The following MYCBP2 variants were observed in gnomAD, a reference collection of about 807,000 sequenced individuals.
MYCBP2 encodes E3 ubiquitin-protein ligase MYCBP2.
A neutral mutation model predicts 525.3 loss-of-function variants in MYCBP2; 120 were observed. The ratio of observed to expected loss-of-function variants is 0.23; its 90% confidence interval spans 0.20 to 0.27. The LOEUF (loss-of-function observed/expected upper bound fraction) is 0.27. Ranked by LOEUF, MYCBP2 falls within the 10% of genes least tolerant of loss-of-function variation. The probability of loss-of-function intolerance (pLI) is 1.00; values close to 1 mark genes in which losing one functional copy is unlikely to be tolerated. For synonymous variants in MYCBP2, 1,894 were observed against 1,955.8 expected, an observed-to-expected ratio of 0.97 and a Z score of 0.83; for missense variants, 4,149 against 5,657.1, an observed-to-expected ratio of 0.73 and a Z score of 8.55.
chr13:77,285,946 G>C (rs2076709800), intron 3 of MYCBP2, among the ~76,000 whole-genome samples: 1 of 152,110 alleles, frequency 6.6e-6, no homozygotes, highest in Non-Finnish European at 1.5e-5. Flanking sequence ...AGTAGGTACA[G>C]TTAGGACATT....
chr13:77,104,104 AACTC>A (rs1191183332), intron 55 of MYCBP2, among the ~76,000 whole-genome samples: 2 of 152,116 alleles, frequency 1.3e-5, no homozygotes, highest in African/African-American at 4.8e-5. Flanking sequence ...AATTTAAAAA[AACTC>A]ACTGTATTTA....
At chr13:77,169,796 A>G (rs2058961097) in intron 38 of MYCBP2, 82 bp from the exon 39 acceptor site, 11 of 1,207,030 alleles carry the variant, frequency 9.1e-6, no homozygotes, top group Non-Finnish European at 1.3e-5. Flanking sequence ...CTAAATCTAT[A>G]TTCTGCTCTT....
At chr13:77,103,767 T>C (rs2047433098) in intron 55 of MYCBP2, among the ~76,000 whole-genome samples, 1 of 152,068 alleles carries the variant, frequency 6.6e-6, no homozygotes, top group African/African-American at 2.4e-5. Flanking sequence ...TTACTATAAT[T>C]TTCCAGTATG....
chr13:77,171,391 T>C, intron 38 of MYCBP2, 101 bp downstream of exon 38: 1 of 1,200,210 alleles, frequency 8.3e-7, no homozygotes, highest in Non-Finnish European at 1.2e-6. Flanking sequence ...ACTTAGATTC[T>C]ATAAAATTGT....
At position 77,180,110 on chromosome 13, in the gene MYCBP2, A is replaced by C; in HGVS notation, c.5133+17T>G. On this transcript the variant is annotated intron_variant, in intron 34 of 82. Transcript: ENST00000544440. ...ACACATGTGCTTTTTATCCAGTGTCAAAATATAATGTATTACCTCAGATCC... is the reference window on the plus strand; with the variant it reads ...ACACATGTGCTTTTTATCCAGTGTCCAAATATAATGTATTACCTCAGATCC... The C allele has an allele frequency of 1.3e-6, 2 of 1,586,520 alleles. No homozygotes were observed. The highest frequency in any genetic ancestry group is 1.7e-6 in the Non-Finnish European group (2 of 1,164,696).
At chr13:77,048,708 G>A (rs564921476) in intron 82 of MYCBP2, among the ~76,000 whole-genome samples, 1 of 152,224 alleles carries the variant, frequency 6.6e-6, no homozygotes, top group East Asian at 1.9e-4. Context: ...GAGCAAATAT[G>A]TGTGAAAATG....
At chr13:77,306,923 T>TA (rs2079503691) in intron 1 of MYCBP2, among the ~76,000 whole-genome samples, 1 of 151,698 alleles carries the variant, frequency 6.6e-6, no homozygotes, top group African/African-American at 2.4e-5. Context: ...TTTAAAGAAA[T>TA]AAAAGACTAT....
chr13:77,223,624 A>G (rs965588317), intron 20 of MYCBP2, among the ~76,000 whole-genome samples: 4 of 152,194 alleles, frequency 2.6e-5, no homozygotes, highest in African/African-American at 9.6e-5. Context: ...GAGGCAGTTC[A>G]TGGTGTCAGA....
At chr13:77,205,132 G>T in intron 26 of MYCBP2, 124 bp downstream of exon 26, 1 of 789,052 alleles carries the variant, frequency 1.3e-6, no homozygotes, top group Non-Finnish European at 1.8e-6. Flanking sequence ...TTAAAAAGAA[G>T]CATTAAAAAC....
At position 77,211,195 on chromosome 13, in the gene MYCBP2, GACAC is replaced by G; in HGVS notation, c.3384_3387del (p.Cys1129LeufsTer7). 6.6e-7 allele frequency: 1 copy of G among 1,506,724 alleles called. No homozygotes were observed. The highest frequency in any genetic ancestry group is 8.9e-7 in the Non-Finnish European group (1 of 1,125,344). 93.3% of individuals were successfully genotyped at this position (1,506,724 alleles called of 1,614,324 possible). A position where few individuals can be genotyped will look rare whatever the true frequency, so the allele number is the denominator to read the frequency against. On this transcript the variant is annotated frameshift_variant, in exon 23 of 83. Transcript: ENST00000544440. LOFTEE classifies it high-confidence loss of function. ...CAAATTACATCATATACAGGATCAA[GACAC>G]ACACCAAATCCTTGCAGATCCTCTT...
At chr13:77,093,022 T>G in intron 59 of MYCBP2, 143 bp downstream of exon 59, 1 of 708,302 alleles carries the variant, frequency 1.4e-6, no homozygotes, top group Non-Finnish European at 2.3e-6. Context: ...TAGTCATACA[T>G]GTATGCTTTT....
At chr13:77,134,362 C>T (rs564394506) in intron 52 of MYCBP2, among the ~76,000 whole-genome samples, 1 of 151,938 alleles carries the variant, frequency 6.6e-6, no homozygotes, top group Non-Finnish European at 1.5e-5. Flanking sequence ...AAACCCTGCC[C>T]GTCTCTACTA....
chr13:77,254,665 C>T (rs541349718), intron 14 of MYCBP2, among the ~76,000 whole-genome samples: 78 of 151,816 alleles, frequency 5.1e-4, no homozygotes, highest in South Asian at 1.2e-3. Context: ...TTGTTGTTAA[C>T]GACATTCACC....
Position 77,044,900 on chromosome 13 carries a change from T to C in MYCBP2, c.*478A>G, listed in dbSNP as rs1004800190. ...ACATTTATATGCTGTCCTAACACAA[T>C]GTTTTTTTTTTTTTTAAATAACAGT... On this transcript the variant is annotated 3_prime_UTR_variant, in exon 83 of 83. Transcript: ENST00000544440. 3 of 400,398 alleles carry C rather than the reference T, an allele frequency of 7.5e-6. No homozygotes were observed. The highest frequency in any genetic ancestry group is 6.2e-5 in the African/African-American group (3 of 48,482). 24.8% of individuals were successfully genotyped at this position (400,398 alleles called of 1,614,324 possible). A position where few individuals can be genotyped will look rare whatever the true frequency, so the allele number is the denominator to read the frequency against.
rs746499495 is a variant in MYCBP2 at position 77,058,353 on chromosome 13, C to T, written c.13194G>A (p.Gly4398=). 7 of 1,613,842 alleles carry T rather than the reference C, an allele frequency of 4.3e-6. No homozygotes were observed. Among genetic ancestry groups the T allele is most frequent in the African/African-American group, 1.3e-5 (1 of 74,900 alleles). The part of the protein sequence containing the change: ...SKTHPCGHPC[G]GVKNEEHCLP... ...GACAGTGCTCTTCGTTTTTAACACCCCCGCATGGATGGCCACAAGGATGCG... is the reference window on the plus strand; with the variant it reads ...GACAGTGCTCTTCGTTTTTAACACCTCCGCATGGATGGCCACAAGGATGCG... Residue 4398 remains glycine (G), a synonymous_variant, in exon 78 of 83, where the codon GGG becomes GGA. Coordinates refer to ENST00000544440, the MANE Select transcript of MYCBP2 (RefSeq NM_015057.5). This position sits in a 1 kb window ranked among gnomAD's most constrained non-coding sequence, Gnocchi z 4.1.
chr13:77,318,315 C>G (rs1274403791), intron 1 of MYCBP2, among the ~76,000 whole-genome samples: 4 of 152,100 alleles, frequency 2.6e-5, no homozygotes, highest in Non-Finnish European at 4.4e-5. Flanking sequence ...TTTCCATGCA[C>G]TCATAGGCCA....
At chr13:77,174,673 T>G (rs1374397403) in intron 36 of MYCBP2, among the ~76,000 whole-genome samples, 184 bp from the exon 37 acceptor site, 1 of 151,398 alleles carries the variant, frequency 6.6e-6, no homozygotes, top group African/African-American at 2.4e-5. Context: ...ACCTGTTGCA[T>G]AAAAGCAACT....
At chr13:77,087,723 T>A (rs931887864) in intron 61 of MYCBP2, 90 bp from the exon 62 acceptor site, 1 of 1,079,746 alleles carries the variant, frequency 9.3e-7, no homozygotes, top group African/African-American at 1.6e-5. Flanking sequence ...GATTAAGACT[T>A]CAAAGAAAGA....
chr13:77,245,921 A>G (rs1178959590), intron 15 of MYCBP2, among the ~76,000 whole-genome samples: 2 of 151,764 alleles, frequency 1.3e-5, no homozygotes, highest in African/African-American at 2.4e-5. Context: ...TCTTCTTTAC[A>G]TGCCTTCACC....
Sources: gnomAD v4.1 joint callset for allele counts (sites outside exome capture counted in the v4.1 genomes callset) on GRCh38, gnomAD v4.1.1 for gene constraint, Gnocchi (gnomAD v3.1) non-coding constraint, MANE v1.5 for transcripts, NCBI Gene and HGNC (gene_info 2026-07-23, HGNC 2026-07-21) for gene names.